The following LETMD1 variants were observed in gnomAD, a reference collection of about 807,000 sequenced individuals.
The protein encoded by LETMD1 is LETM1 domain containing 1, also known as LETM1 domain-containing protein 1.
A neutral mutation model predicts 43.9 loss-of-function variants in LETMD1; 30 were observed. The observed-to-expected ratio is 0.68, with a 90% CI of 0.51 to 0.93. The LOEUF is 0.93. Ranked by LOEUF, LETMD1 falls within the 40% of genes least tolerant of loss-of-function variation. The pLI is 0.00. For missense variants in LETMD1, 413 were observed against 447.7 expected (o/e 0.92, Z 0.70); for synonymous variants, 176 against 163.1 (o/e 1.08, Z -0.60).
At position 51,053,782 on chromosome 12, in the gene LETMD1, G is replaced by A. The variant is rs760949314; in HGVS notation, c.395G>A (p.Arg132His). The change falls in exon 4 of 9, where the codon CGC becomes CAC. Residue 132 changes from arginine (R) to histidine (H), a missense_variant. Transcript: ENST00000262055. ...YREMEHLRQFRQDVTKCLFLG... is the reference protein window; with the variant it reads ...YREMEHLRQFHQDVTKCLFLG... ...TCTGTGTTTATTTCTGCTTAGTTCC[G>A]CCAAGACGTCACCAAGTGTCTTTTC... The A allele has an allele frequency of 5.0e-6, 8 of 1,609,448 alleles. No individual in the cohort carries two copies. Among genetic ancestry groups the A allele is most frequent in the African/African-American group, 4.0e-5 (3 of 74,664 alleles).
chr12:51,049,029 T>G lies in LETMD1; in HGVS notation c.123-5T>G, dbSNP rs376499268. On this transcript the variant is annotated splice_polypyrimidine_tract_variant and splice_region_variant and intron_variant, in intron 1 of 8. Coordinates refer to ENST00000262055, the MANE Select transcript of LETMD1 (RefSeq NM_015416.5). ...CCCAGATAGTCTCTTTGATCTTCCT[T>G]GTAGGTCTTCAAAGCTTCACCTTTC... The G allele has an allele frequency of 1.2e-6, 2 of 1,613,414 alleles. No individual in the cohort carries two copies. The highest frequency in any genetic ancestry group is 2.7e-5 in the African/African-American group (2 of 74,886).
intron 7 of LETMD1, among the ~76,000 whole-genome samples, chr12:51,057,115 G>A (rs950823183): frequency 6.6e-6 from 1 of 152,058 alleles, no homozygotes; most frequent in Non-Finnish European, 1.5e-5. Context: ...GCACATGCCT[G>A]TAATCCCAGG....
rs1471115273 is a variant in LETMD1, at chr12:51,048,452, C to T, written c.96C>T (p.Arg32=). The change falls in exon 1 of 9, where the codon CGC becomes CGT. Residue 32 remains arginine, a synonymous_variant. Coordinates refer to ENST00000262055, the MANE Select transcript of LETMD1 (RefSeq NM_015416.5). Reference sequence around the variant, plus strand: ...TCACCCGGAGGCTGCAACTTGGTCGCTCTGGCCTGGCTTGGGGGGCCCCTC... The same window carrying T: ...TCACCCGGAGGCTGCAACTTGGTCGTTCTGGCCTGGCTTGGGGGGCCCCTC... ...HFVTRRLQLG[R]SGLAWGAPRS... is the part of the protein sequence containing the mutation. 2 of 1,613,852 alleles carry T rather than the reference C, an allele frequency of 1.2e-6. No homozygotes were observed. The highest frequency in any genetic ancestry group is 1.1e-5 in the South Asian group (1 of 91,086).
downstream of LETMD1, chr12:51,063,134 G>GA (rs1937744372): frequency 6.6e-6 from 1 of 152,158 alleles, no homozygotes; most frequent in African/African-American, 2.4e-5. Flanking sequence ...CCAGTGTGGG[G>GA]AACAGGTCAG....
rs1763031747 is a variant in LETMD1, at chr12:51,060,079, T to A, written c.*648T>A. 1 of 152,978 alleles carries A rather than the reference T, an allele frequency of 6.5e-6. No homozygotes were observed. The highest frequency in any genetic ancestry group is 1.5e-5 in the Non-Finnish European group (1 of 68,290). The allele number at this position is 152,978 out of a possible 1,614,324, so 9.5% of individuals were successfully genotyped here. On this transcript the variant is annotated 3_prime_UTR_variant, in exon 9 of 9. Coordinates refer to ENST00000262055, the MANE Select transcript of LETMD1 (RefSeq NM_015416.5). ...TGGAAAAGATAACAGGAAGTACAAG[T>A]GCTTCTTGACCCCTTCCTCAATGTT... is the stretch of plus-strand genomic sequence containing the variant.
At chr12:51,058,292 C>T (rs375876582) in intron 8 of LETMD1, 164 bp downstream of exon 8, 70 of 620,222 alleles carry the variant, frequency 1.1e-4, no homozygotes, top group Non-Finnish European at 1.7e-4. Flanking sequence ...CGGCAGGTAA[C>T]GAAGTAGGCC....
the LETMD1 span, chr12:51,067,801 G>A: frequency 3.1e-6 from 5 of 1,614,084 alleles, no homozygotes; most frequent in African/African-American, 1.3e-5. This position sits in a 1 kb window ranked among gnomAD's most constrained non-coding sequence, Gnocchi z 4.1. Flanking sequence ...GCATCAATAC[G>A]GTGGACCCCA....
intron 2 of LETMD1, among the ~76,000 whole-genome samples, chr12:51,049,891 C>G (rs2136519154): frequency 6.6e-6 from 1 of 152,306 alleles, no homozygotes; most frequent in East Asian, 1.9e-4. Flanking sequence ...TAGTAAGTGC[C>G]AAGTAAATGT....
the LETMD1 span, among the ~76,000 whole-genome samples, chr12:51,066,653 G>A: frequency 9.6e-5 from 13 of 134,872 alleles, no homozygotes; most frequent in African/African-American, 2.7e-4. Flanking sequence ...AAAAAAAAAA[G>A]GGCAGCCAAC....
intron 2 of LETMD1, among the ~76,000 whole-genome samples, chr12:51,050,230 G>T (rs1945607984): frequency 8.0e-6 from 1 of 125,082 alleles, no homozygotes; most frequent in Non-Finnish European, 1.8e-5. Context: ...TTTTTATTAT[G>T]AATTTTTTTT....
At chr12:51,063,572 G>C, downstream of LETMD1, 3 of 547,870 alleles carry the variant, frequency 5.5e-6, no homozygotes, top group Non-Finnish European at 6.3e-6. Context: ...GGTCTCCTTG[G>C]TACTGTTTCC....
At chr12:51,064,000 C>T (rs751380290), downstream of LETMD1, 15 of 1,614,020 alleles carry the variant, frequency 9.3e-6, no homozygotes, top group East Asian at 1.1e-4. Flanking sequence ...CTACAAGCCA[C>T]GAGTGAGGTA....
Position 51,049,145 on chromosome 12 carries a change from T to G in LETMD1, c.234T>G (p.His78Gln). ...AATACCATCGTTTCTTGGGTCGTCA[T>G]TTCCCCCGCTTCTATGTCCTGTACA... ...NGKYHRFLGR[H>Q]FPRFYVLYTI... The change falls in exon 2 of 9, where the codon CAT becomes CAG. Residue 78 changes from histidine to glutamine, a missense_variant. Physicochemically the swap from His to Gln is conservative, Grantham distance 24 (BLOSUM62 0). Coordinates refer to ENST00000262055, the MANE Select transcript of LETMD1 (RefSeq NM_015416.5). 1 of 1,614,064 alleles carries G rather than the reference T, an allele frequency of 6.2e-7. No individual in the cohort carries two copies. Among genetic ancestry groups the G allele is most frequent in the Middle Eastern group, 1.6e-4 (1 of 6,062 alleles).
chr12:51,049,338 T>C, intron 2 of LETMD1, 153 bp downstream of exon 2: 1 of 595,200 alleles, frequency 1.7e-6, no homozygotes, highest in South Asian at 2.9e-5. Flanking sequence ...CTAATTCCTA[T>C]AAATTAGCAC....
intron 3 of LETMD1, among the ~76,000 whole-genome samples, chr12:51,052,979 G>A (rs1400640718): frequency 2.0e-5 from 3 of 151,428 alleles, no homozygotes; most frequent in Non-Finnish European, 2.9e-5. Flanking sequence ...GATGGCAGGC[G>A]CCTGTAGTCC....
rs141650005 is a variant in LETMD1, at chr12:51,048,366, T to A, written c.10T>A (p.Ser4Thr). The A allele has an allele frequency of 1.7e-5, 27 of 1,614,104 alleles. No individual in the cohort carries two copies. In the African/African-American group the frequency reaches 3.1e-4, roughly 18 times the overall value. ...TTCTCTCGCTGTGAAGATGGCGCTCTCCAGGGTGTGCTGGGCTCGGTCGGC... is the reference window on the plus strand; with the variant it reads ...TTCTCTCGCTGTGAAGATGGCGCTCACCAGGGTGTGCTGGGCTCGGTCGGC... MAL[S>T]RVCWARSAVW... The change falls in exon 1 of 9, where the codon TCC becomes ACC. Residue 4 changes from serine to threonine, a missense_variant. Coordinates refer to ENST00000262055, the MANE Select transcript of LETMD1 (RefSeq NM_015416.5).
chr12:51,053,147 G>A (rs1209565109), intron 3 of LETMD1, among the ~76,000 whole-genome samples: 1 of 151,972 alleles, frequency 6.6e-6, no homozygotes, highest in Admixed American at 6.6e-5. Context: ...CCAAAGGGCA[G>A]CATGAAAGTA....
chr12:51,063,836 A>C (rs373953570), downstream of LETMD1: 38 of 1,613,804 alleles, frequency 2.4e-5, no homozygotes, highest in African/African-American at 4.9e-4. Context: ...AGCCCTCTTC[A>C]TTGTCCGTGC....
the LETMD1 span, chr12:51,067,834 G>A: frequency 1.2e-6 from 2 of 1,614,186 alleles, no homozygotes; most frequent in Non-Finnish European, 1.7e-6. The surrounding 1 kb of genome is among the most constrained non-coding windows in gnomAD (Gnocchi z 4.1). Context: ...AGGGCCCGTC[G>A]CCGTTTGGTG....
Sources: gnomAD v4.1 joint callset for allele counts (sites outside exome capture counted in the v4.1 genomes callset) on GRCh38, gnomAD v4.1.1 for gene constraint, Gnocchi (gnomAD v3.1) non-coding constraint, MANE v1.5 for transcripts, NCBI Gene and HGNC (gene_info 2026-07-23, HGNC 2026-07-21) for gene names.